IPO5: variants seen among roughly 807,000 people sequenced by gnomAD.
The protein encoded by IPO5 is importin-5.
A neutral mutation model predicts 143.3 loss-of-function variants in IPO5; 18 were observed. The observed-to-expected ratio is 0.13, with a 90% confidence interval of 0.09 to 0.19. The LOEUF (loss-of-function observed/expected upper bound fraction) is 0.19, where lower values mean the gene tolerates loss of function less well. Ranked by LOEUF, IPO5 falls within the 10% of genes least tolerant of loss-of-function variation. The pLI, the probability that IPO5 is intolerant of heterozygous loss-of-function variation, is 1.00. For synonymous variants in IPO5, 477 were observed against 465.7 expected (o/e 1.02, Z -0.31); for missense variants, 1,013 against 1,336.9 (o/e 0.76, Z 3.78).
At chr13:97,985,921 A>G (rs1282874054) in intron 6 of IPO5, among the ~76,000 whole-genome samples, 2 of 152,070 alleles carry the variant, frequency 1.3e-5, no homozygotes, top group Non-Finnish European at 2.9e-5. Context: ...CTAGCAGTTC[A>G]GGACGAACCT....
chr13:98,008,032 A>G, intron 17 of IPO5, 27 bp from the exon 18 acceptor site: 2 of 1,470,974 alleles, frequency 1.4e-6, no homozygotes, highest in Non-Finnish European at 1.9e-6. Flanking sequence ...GGTATCAACA[A>G]GTGTGTCTCT....
intron 21 of IPO5, among the ~76,000 whole-genome samples, chr13:98,012,671 T>C (rs1324110571): frequency 2.0e-5 from 3 of 152,118 alleles, no homozygotes; most frequent in African/African-American, 4.8e-5. Flanking sequence ...AATAAGACTT[T>C]TATTTTAAGA....
At chr13:97,993,331 T>C in intron 11 of IPO5, 106 bp downstream of exon 11, 7 of 914,616 alleles carry the variant, frequency 7.7e-6, no homozygotes, top group Non-Finnish European at 1.7e-6. Flanking sequence ...ATAATGAATA[T>C]CCTTTTAGAA....
chr13:98,004,480 G>T (rs1245815928), intron 16 of IPO5, among the ~76,000 whole-genome samples: 1 of 152,224 alleles, frequency 6.6e-6, no homozygotes, highest in Non-Finnish European at 1.5e-5. Context: ...GATCCAACAT[G>T]ACTTTACAGG....
intron 27 of IPO5, 74 bp downstream of exon 27, chr13:98,019,883 C>A: frequency 3.1e-6 from 3 of 962,982 alleles, no homozygotes; most frequent in Non-Finnish European, 5.0e-6. Context: ...TAACATCAGT[C>A]TTTTAAGGTT....
rs745820123 is a variant in IPO5 at position 97,993,025 on chromosome 13, T to C, written c.792+11T>C. ...CAGCTAAGTCTAAAGGTAAATTAAG[T>C]ACGTTAGTAAACGTTCTGTTTGTTA... On this transcript the variant is annotated intron_variant, in intron 10 of 28. Transcript: ENST00000651721. 6.2e-7 allele frequency: 1 copy of C among 1,612,322 alleles called. No individual in the cohort carries two copies. The highest frequency in any genetic ancestry group is 1.7e-5 in the Admixed American group (1 of 59,922).
chr13:98,008,833 A>G lies in IPO5; in HGVS notation c.1800+691A>G, dbSNP rs190742117. On this transcript the variant is annotated intron_variant, in intron 18 of 28. Coordinates refer to ENST00000651721, the MANE Select transcript of IPO5 (RefSeq NM_002271.6). The stretch of plus-strand genomic sequence containing the variant: ...ATGGTATTCCCAATGCCTAACATAT[A>G]ACAAGGCACTCAATAAATAATTGTT... Among the ~76,000 whole-genome samples, 350 of 152,346 alleles carry G rather than the reference A, an allele frequency of 2.3e-3. 2 individuals are homozygous for G. The highest frequency in any genetic ancestry group is 3.2e-3 in the Non-Finnish European group (219 of 68,038).
At chr13:98,021,575 A>T (rs1183807815) in intron 28 of IPO5, among the ~76,000 whole-genome samples, 161 bp from the exon 29 acceptor site, 2 of 152,182 alleles carry the variant, frequency 1.3e-5, no homozygotes, top group African/African-American at 2.4e-5. Flanking sequence ...AATGAACTTT[A>T]AAAAAATGAA....
At chr13:97,969,604 C>G (rs1263051972) in intron 2 of IPO5, 119 bp from the exon 3 acceptor site, 2 of 620,766 alleles carry the variant, frequency 3.2e-6, no homozygotes, top group African/African-American at 3.9e-5. Flanking sequence ...CAACTCTTAA[C>G]CAGTCTTTGA....
intron 16 of IPO5, among the ~76,000 whole-genome samples, chr13:98,005,353 C>T (rs1383281794): frequency 6.7e-6 from 1 of 148,860 alleles, no homozygotes; most frequent in Non-Finnish European, 1.5e-5. Context: ...TGTGCCACCA[C>T]ACCTGGCTAA....
chr13:97,967,972 G>A (rs1015094051), intron 2 of IPO5, among the ~76,000 whole-genome samples: 1 of 151,896 alleles, frequency 6.6e-6, no homozygotes, highest in Non-Finnish European at 1.5e-5. Context: ...TTTCAATATA[G>A]AGAAGGGGTC....
At chr13:97,955,179 T>C (rs1414209797) in intron 2 of IPO5, among the ~76,000 whole-genome samples, 6 of 151,402 alleles carry the variant, frequency 4.0e-5, no homozygotes, top group Admixed American at 6.6e-5. Flanking sequence ...CAGTGAGCCA[T>C]GACTGTGCCA....
At chr13:97,982,626 A>G (rs1186908272) in intron 5 of IPO5, 43 bp downstream of exon 5, 1 of 1,199,540 alleles carries the variant, frequency 8.3e-7, no homozygotes, top group Non-Finnish European at 1.2e-6. Flanking sequence ...TTAGAAAATA[A>G]GTTATTAGAT....
At chr13:97,973,384 A>G (rs1009847520) in intron 3 of IPO5, among the ~76,000 whole-genome samples, 3 of 152,146 alleles carry the variant, frequency 2.0e-5, no homozygotes, top group Non-Finnish European at 2.9e-5. Flanking sequence ...CTTATAAACA[A>G]TAAGGACACT....
intron 16 of IPO5, 21 bp downstream of exon 16, chr13:98,003,058 G>T (rs770150337): frequency 6.4e-7 from 1 of 1,572,992 alleles, no homozygotes; most frequent in Non-Finnish European, 8.6e-7. Flanking sequence ...AGATCTGTAG[G>T]CTGCTTTCTG....
chr13:97,994,715 A>C (rs1293272135), intron 11 of IPO5, among the ~76,000 whole-genome samples: 1 of 152,142 alleles, frequency 6.6e-6, no homozygotes, highest in Non-Finnish European at 1.5e-5. Context: ...AACTCTGTGA[A>C]TTTAGAATGC....
At chr13:97,972,921 C>G (rs886363087) in intron 3 of IPO5, among the ~76,000 whole-genome samples, 1 of 152,094 alleles carries the variant, frequency 6.6e-6, no homozygotes, top group African/African-American at 2.4e-5. Context: ...ATACAAATCC[C>G]CTAGACTCAA....
At chr13:97,970,498 G>A (rs918555958) in intron 3 of IPO5, among the ~76,000 whole-genome samples, 1 of 152,118 alleles carries the variant, frequency 6.6e-6, no homozygotes, top group Admixed American at 6.5e-5. Flanking sequence ...GCGGGCGCCT[G>A]TAATCCCAGC....
At chr13:97,979,397 C>T (rs1886659231) in intron 4 of IPO5, among the ~76,000 whole-genome samples, 1 of 152,042 alleles carries the variant, frequency 6.6e-6, no homozygotes, top group Admixed American at 6.5e-5. Context: ...ATTTAGTAGG[C>T]TTTATAGTTT....
Sources: gnomAD v4.1 joint callset for allele counts (sites outside exome capture counted in the v4.1 genomes callset) on GRCh38, gnomAD v4.1.1 for gene constraint, MANE v1.5 for transcripts, NCBI Gene and HGNC (gene_info 2026-07-23, HGNC 2026-07-21) for gene names.